Variants in NTRK3 observed in about 807,000 individuals in gnomAD.
NTRK3 encodes the protein NT-3 growth factor receptor.
Under a neutral mutation model 91.7 loss-of-function variants are expected in NTRK3, and 24 were observed. The observed-to-expected ratio is 0.26, with a 90% CI of 0.19 to 0.37. The LOEUF is 0.37. Among genes scored for constraint, NTRK3 ranks in the 10% least tolerant of loss-of-function variants. NTRK3 has a pLI of 1.00. For missense variants in NTRK3, 880 were observed against 1,068.9 expected (o/e 0.82, Z 2.46); for synonymous variants, 483 against 404.0 (o/e 1.20, Z -2.34).
At chr15:88,074,072 C>T (rs2150567524) in intron 13 of NTRK3, among the ~76,000 whole-genome samples, 1 of 152,298 alleles carries the variant, frequency 6.6e-6, no homozygotes, top group African/African-American at 2.4e-5. Context: ...CTACCAGCCC[C>T]TGATGAACAC....
intron 13 of NTRK3, among the ~76,000 whole-genome samples, chr15:88,049,887 G>T (rs2080643257): frequency 6.6e-6 from 1 of 152,232 alleles, no homozygotes; most frequent in African/African-American, 2.4e-5. Flanking sequence ...GCCAGAGAAA[G>T]CTATAGGAAA....
intron 14 of NTRK3, among the ~76,000 whole-genome samples, chr15:88,001,239 C>G (rs2076079329): frequency 6.6e-6 from 1 of 152,124 alleles, no homozygotes; most frequent in Non-Finnish European, 1.5e-5. Context: ...CTGGATACTA[C>G]TCCCTTATCA....
At chr15:88,068,891 A>G (rs1365200777) in intron 13 of NTRK3, among the ~76,000 whole-genome samples, 2 of 152,080 alleles carry the variant, frequency 1.3e-5, no homozygotes, top group Non-Finnish European at 2.9e-5. Context: ...ATCAGAGGAG[A>G]CCAAGAGATT....
chr15:88,155,002 G>A (rs2043753405), intron 5 of NTRK3, among the ~76,000 whole-genome samples: 1 of 152,286 alleles, frequency 6.6e-6, no homozygotes, highest in East Asian at 1.9e-4. Context: ...TAGGTCGGCA[G>A]TCTGTTTTTA....
Position 88,100,078 on chromosome 15 carries a change from T to C in NTRK3, c.1396+26193A>G, listed in dbSNP as rs2050016920. Among the ~76,000 whole-genome samples the C allele has an allele frequency of 2.6e-5, 4 of 152,162 alleles. No individual in the cohort carries two copies. In the South Asian group the frequency reaches 8.3e-4, roughly 32 times the overall value. Reference sequence around the variant, plus strand: ...TGAATTACTCTTCCAGTGATGAGGATAAAGGTTTCCCCATCAAATTCCTTG... The same window carrying C: ...TGAATTACTCTTCCAGTGATGAGGACAAAGGTTTCCCCATCAAATTCCTTG... On this transcript the variant is annotated intron_variant, in intron 13 of 18. Coordinates refer to ENST00000394480, the Ensembl canonical transcript of NTRK3.
At chr15:87,867,975 G>A (rs1335860235) in exon 19 of NTRK3, 2 of 229,286 alleles carry the variant, frequency 8.7e-6, no homozygotes, top group Admixed American at 1.1e-4. Flanking sequence ...TTAATTTCAT[G>A]AGCTCCAAAG....
chr15:88,197,083 G>A (rs566711599), intron 3 of NTRK3, among the ~76,000 whole-genome samples: 1 of 110,832 alleles, frequency 9.0e-6, no homozygotes, highest in East Asian at 3.2e-4. Context: ...GAGGTCTATG[G>A]TTGAGCAGGA....
At chr15:87,998,321 A>G (rs1466970941) in intron 14 of NTRK3, among the ~76,000 whole-genome samples, 3 of 152,238 alleles carry the variant, frequency 2.0e-5, no homozygotes, top group African/African-American at 7.2e-5. Flanking sequence ...CATAACATAT[A>G]CTGATGCTGC....
At chr15:88,068,736 G>T (rs927724609) in intron 13 of NTRK3, among the ~76,000 whole-genome samples, 11 of 152,134 alleles carry the variant, frequency 7.2e-5, no homozygotes, top group Non-Finnish European at 1.3e-4. Context: ...AGCAACTCAG[G>T]ACAGTAGGGT....
intron 3 of NTRK3, among the ~76,000 whole-genome samples, chr15:88,194,355 T>C (rs1256432588): frequency 6.6e-6 from 1 of 152,258 alleles, no homozygotes; most frequent in Non-Finnish European, 1.5e-5. Context: ...AGCACTCAAA[T>C]GTGCATCTCT....
intron 5 of NTRK3, among the ~76,000 whole-genome samples, chr15:88,170,194 C>G (rs2045373631): frequency 6.6e-6 from 1 of 152,180 alleles, no homozygotes; most frequent in South Asian, 2.1e-4. Flanking sequence ...CTTTGTAGGA[C>G]TCTAAAGCAC....
intron 5 of NTRK3, among the ~76,000 whole-genome samples, chr15:88,169,235 C>T (rs1463809197): frequency 6.6e-6 from 1 of 152,188 alleles, no homozygotes; most frequent in African/African-American, 2.4e-5. Flanking sequence ...GGTTCATATC[C>T]TAAGAACATC....
chr15:87,874,103 T>C (rs542733499), exon 19 of NTRK3: 33 of 228,768 alleles, frequency 1.4e-4, no homozygotes, highest in Non-Finnish European at 2.5e-4. Context: ...TGTCCCAATA[T>C]AGGAGGGACA....
chr15:87,877,122 T>C lies in NTRK3; in HGVS notation c.2293-2A>G, dbSNP rs2141438481. On this transcript the variant is annotated splice_acceptor_variant, in intron 18 of 18. Coordinates refer to ENST00000394480, the Ensembl canonical transcript of NTRK3. LOFTEE classifies it high-confidence loss of function. Reference sequence around the variant, plus strand: ...ACCTTGGGTAATGCACTCAATGACCTGAAAGAGTGAGAAGAACAAGGAAGT... The same window carrying C: ...ACCTTGGGTAATGCACTCAATGACCCGAAAGAGTGAGAAGAACAAGGAAGT... 6.2e-7 allele frequency: 1 copy of C among 1,613,908 alleles called. No homozygotes were observed. The highest frequency in any genetic ancestry group is 8.5e-7 in the Non-Finnish European group (1 of 1,179,940).
At chr15:87,969,036 T>G (rs1351980590) in intron 14 of NTRK3, among the ~76,000 whole-genome samples, 1 of 152,038 alleles carries the variant, frequency 6.6e-6, no homozygotes, top group African/African-American at 2.4e-5. Flanking sequence ...CCCCACCCCC[T>G]GCCAGGTACC....
chr15:87,922,854 T>C (rs2067989618), intron 17 of NTRK3, among the ~76,000 whole-genome samples: 1 of 152,198 alleles, frequency 6.6e-6, no homozygotes, highest in Non-Finnish European at 1.5e-5. Flanking sequence ...TCCCTTTGAT[T>C]TGGAACATTG....
intron 14 of NTRK3, among the ~76,000 whole-genome samples, chr15:87,991,873 G>A (rs982463391): frequency 6.6e-6 from 1 of 151,790 alleles, no homozygotes; most frequent in Non-Finnish European, 1.5e-5. Context: ...TTCCCCTTCT[G>A]AGGATATCTG....
chr15:88,099,928 T>C (rs947322066), intron 13 of NTRK3, among the ~76,000 whole-genome samples: 1 of 151,890 alleles, frequency 6.6e-6, no homozygotes, highest in Non-Finnish European at 1.5e-5. Flanking sequence ...GGACATGGAG[T>C]TGACAAGGAT....
intron 7 of NTRK3, 21 bp downstream of exon 7, chr15:88,137,383 G>T: frequency 6.2e-7 from 1 of 1,612,482 alleles, no homozygotes; most frequent in Non-Finnish European, 8.5e-7. Context: ...AGCCAGCTGG[G>T]CCAGGCGGCC....
Sources: allele counts gnomAD v4.1 joint callset (sites outside exome capture counted in the v4.1 genomes callset), GRCh38; gene constraint gnomAD v4.1.1; transcripts MANE v1.5; gene names NCBI Gene and HGNC (gene_info 2026-07-23, HGNC 2026-07-21).